SNCAIP: variants seen among roughly 807,000 people sequenced by gnomAD.
The protein encoded by SNCAIP is synuclein alpha interacting protein.
A neutral mutation model predicts 86.7 loss-of-function variants in SNCAIP; 43 were observed. The observed-to-expected ratio is 0.50, with a 90% CI of 0.39 to 0.64. The LOEUF is 0.64. Ranked by LOEUF, SNCAIP falls within the 30% of genes least tolerant of loss-of-function variation. SNCAIP has a pLI of 0.00. For missense variants in SNCAIP, 981 were observed against 1,103.1 expected, an observed-to-expected ratio of 0.89 and a Z score of 1.57; for synonymous variants, 417 against 427.2, an observed-to-expected ratio of 0.98 and a Z score of 0.29.
chr5:122,425,539 G>A lies in SNCAIP; in HGVS notation c.1182+8G>A, dbSNP rs1371742660. On this transcript the variant is annotated splice_region_variant and intron_variant, in intron 5 of 10. Coordinates refer to ENST00000261368, the MANE Select transcript of SNCAIP (RefSeq NM_005460.4). ...GCAGGCCTGGCCATTAAGGTGACTG[G>A]TTGGGGGCTGGAACCTCCACAGCTA... The A allele has an allele frequency of 6.2e-7, 1 of 1,612,426 alleles. No homozygotes were observed.
At chr5:122,414,876 A>AT (rs1466243365) in intron 3 of SNCAIP, among the ~76,000 whole-genome samples, 1 of 152,208 alleles carries the variant, frequency 6.6e-6, no homozygotes, top group East Asian at 1.9e-4. Context: ...AGAATACATA[A>AT]GAACTGCCTT....
At chr5:122,394,709 G>C (rs1165221497) in intron 2 of SNCAIP, among the ~76,000 whole-genome samples, 5 of 152,232 alleles carry the variant, frequency 3.3e-5, no homozygotes, top group Non-Finnish European at 1.5e-5. Flanking sequence ...AGGCCAGTGT[G>C]GTGCTCTTAA....
In SNCAIP at chr5:122,459,513, G is replaced by C. The variant is rs145743997; in HGVS notation, c.2755-3978G>C. Reference sequence around the variant, plus strand: ...CAAACACTTTCGTTCTTTGAATACTGTTAATTTGGGACTAGGTAATTGAAG... The same window carrying C: ...CAAACACTTTCGTTCTTTGAATACTCTTAATTTGGGACTAGGTAATTGAAG... On this transcript the variant is annotated intron_variant, in intron 10 of 10. Coordinates refer to ENST00000261368, the MANE Select transcript of SNCAIP (RefSeq NM_005460.4). Among the ~76,000 whole-genome samples the C allele has an allele frequency of 1.1e-4, 16 of 152,254 alleles. No homozygotes were observed. In the East Asian group the frequency reaches 2.9e-3, roughly 28 times the overall value.
At chr5:122,440,576 T>G in intron 6 of SNCAIP, 53 bp from the exon 7 acceptor site, 4 of 1,570,988 alleles carry the variant, frequency 2.5e-6, no homozygotes, top group South Asian at 2.2e-5. Context: ...TGTCTTTTTA[T>G]CTAACTTCTC....
chr5:122,344,370 TTAAAGTA>T (rs1275244681), intron 1 of SNCAIP, among the ~76,000 whole-genome samples: 1 of 152,242 alleles, frequency 6.6e-6, no homozygotes, highest in Non-Finnish European at 1.5e-5. Flanking sequence ...GAAGGATGGC[TTAAAGTA>T]TAATCATTCT....
chr5:122,379,610 C>T (rs1188644631), intron 1 of SNCAIP, among the ~76,000 whole-genome samples: 1 of 151,128 alleles, frequency 6.6e-6, no homozygotes, highest in Non-Finnish European at 1.5e-5. Context: ...GCATCCCTGT[C>T]TTGTGCCAGT....
intron 1 of SNCAIP, among the ~76,000 whole-genome samples, chr5:122,372,321 C>T (rs1010941289): frequency 1.3e-4 from 20 of 152,156 alleles, no homozygotes; most frequent in African/African-American, 4.6e-4. Context: ...TGTAAATACT[C>T]CCAGCATGGC....
chr5:122,455,149 A>G (rs1473646827), intron 10 of SNCAIP, among the ~76,000 whole-genome samples: 1 of 152,154 alleles, frequency 6.6e-6, no homozygotes, highest in African/African-American at 2.4e-5. Flanking sequence ...ATACTTTATC[A>G]TGGTTGTCAT....
At position 122,403,944 on chromosome 5, in the gene SNCAIP, G is replaced by C. The variant is rs564956231; in HGVS notation, c.130+79G>C. ...CTGGAAAGCTGTTTTTCCTCACACT[G>C]GTCCCCCCTGCTTTCAGTTTTCTTT... On this transcript the variant is annotated intron_variant, in intron 3 of 10. Transcript: ENST00000261368. The C allele has an allele frequency of 6.6e-4, 675 of 1,023,914 alleles. 9 individuals are homozygous for C. The South Asian group carries it at 8.3e-3, about 13-fold the overall frequency. 63.4% of individuals were successfully genotyped at this position (1,023,914 alleles called of 1,614,324 possible).
intron 1 of SNCAIP, among the ~76,000 whole-genome samples, chr5:122,362,202 C>T (rs1022818182): frequency 1.3e-4 from 20 of 152,174 alleles, no homozygotes; most frequent in African/African-American, 4.6e-4. Context: ...CTTATTTAAC[C>T]TTCACAATGC....
intron 3 of SNCAIP, among the ~76,000 whole-genome samples, chr5:122,406,568 G>A (rs1037480162): frequency 6.6e-6 from 1 of 152,140 alleles, no homozygotes; most frequent in Non-Finnish European, 1.5e-5. Flanking sequence ...TCTCATGAAT[G>A]GTTTAGCGCC....
chr5:122,451,760 C>T (rs779426832), intron 10 of SNCAIP, 159 bp downstream of exon 10: 155 of 621,152 alleles, frequency 2.5e-4, no homozygotes, highest in Middle Eastern at 4.3e-4. Flanking sequence ...TCTAATGAGA[C>T]ATGTCATGTT....
chr5:122,319,254 G>T (rs976000694), intron 1 of SNCAIP, among the ~76,000 whole-genome samples: 3 of 151,888 alleles, frequency 2.0e-5, no homozygotes, highest in African/African-American at 7.2e-5. Context: ...ATGGAAAAAG[G>T]TGTATTTAAA....
intron 1 of SNCAIP, among the ~76,000 whole-genome samples, chr5:122,338,397 A>G (rs1206361290): frequency 2.0e-5 from 3 of 152,216 alleles, no homozygotes; most frequent in Admixed American, 6.5e-5. Flanking sequence ...CAGCTTAAAA[A>G]TTCATGCTCA....
intron 5 of SNCAIP, 99 bp from the exon 6 acceptor site, chr5:122,431,870 T>G (rs981656340): frequency 4.1e-6 from 3 of 725,994 alleles, no homozygotes; most frequent in Non-Finnish European, 7.6e-6. Flanking sequence ...ATGCCAAAAT[T>G]TATATGATTT....
intron 8 of SNCAIP, 43 bp downstream of exon 8, chr5:122,444,775 T>C (rs565154659): frequency 6.5e-7 from 1 of 1,535,420 alleles, no homozygotes; most frequent in Non-Finnish European, 9.0e-7. Context: ...TCTAACTCAT[T>C]ATTGTTGTAC....
chr5:122,374,570 C>T (rs1351323826), intron 1 of SNCAIP, among the ~76,000 whole-genome samples: 8 of 152,096 alleles, frequency 5.3e-5, no homozygotes, highest in Non-Finnish European at 2.9e-5. Flanking sequence ...TCAACAGTTT[C>T]CAAAAGGGTC....
chr5:122,344,677 C>T (rs914372051), intron 1 of SNCAIP, among the ~76,000 whole-genome samples: 6 of 152,188 alleles, frequency 3.9e-5, no homozygotes, highest in African/African-American at 1.4e-4. Flanking sequence ...GGGTTAAGCA[C>T]AATATTCCTT....
At chr5:122,315,937 G>A (rs1043475890) in intron 1 of SNCAIP, among the ~76,000 whole-genome samples, 8 of 152,066 alleles carry the variant, frequency 5.3e-5, no homozygotes, top group Non-Finnish European at 1.0e-4. Flanking sequence ...GTAAAAAGTC[G>A]AAAGCATTCT....
Sources: gnomAD v4.1 joint callset for allele counts (sites outside exome capture counted in the v4.1 genomes callset) on GRCh38, gnomAD v4.1.1 for gene constraint, MANE v1.5 for transcripts, NCBI Gene and HGNC (gene_info 2026-07-23, HGNC 2026-07-21) for gene names.